SLC22A16: variants seen among roughly 807,000 people sequenced by gnomAD.
The protein encoded by SLC22A16 is WUGSC:RG331P03.1.
Under a neutral mutation model 52.9 loss-of-function variants are expected in SLC22A16, and 53 were observed. The ratio of observed to expected loss-of-function variants is 1.00; its 90% CI spans 0.80 to 1.26. The LOEUF is 1.26. Ranked by LOEUF, SLC22A16 falls within the 50% of genes most tolerant of loss-of-function variation. The probability of loss-of-function intolerance (pLI) is 0.00; values close to 1 mark genes in which losing one functional copy is unlikely to be tolerated. For missense variants in SLC22A16, 726 were observed against 704.0 expected (o/e 1.03, Z -0.35); for synonymous variants, 291 against 268.8 (o/e 1.08, Z -0.81).
At chr6:110,431,331 C>G in intron 6 of SLC22A16, 61 bp from the exon 7 acceptor site, 2 of 1,387,430 alleles carry the variant, frequency 1.4e-6, no homozygotes, top group Non-Finnish European at 2.0e-6. Context: ...GATTGAGGGA[C>G]CTGCTTCCTG....
intron 3 of SLC22A16, among the ~76,000 whole-genome samples, chr6:110,443,970 A>G (rs952153852): frequency 1.1e-4 from 16 of 152,306 alleles, no homozygotes; most frequent in South Asian, 4.1e-4. Flanking sequence ...GGAGACAGGG[A>G]ACAGAGAGTT....
chr6:110,473,813 C>A (rs1562305089), intron 1 of SLC22A16, among the ~76,000 whole-genome samples: 1 of 151,866 alleles, frequency 6.6e-6, no homozygotes, highest in Non-Finnish European at 1.5e-5. Flanking sequence ...GCATGAACCA[C>A]CGCACCTGGC....
At chr6:110,427,206 C>T (rs1774291991) in intron 7 of SLC22A16, among the ~76,000 whole-genome samples, 1 of 145,726 alleles carries the variant, frequency 6.9e-6, no homozygotes, top group South Asian at 2.1e-4. Context: ...CAAGATTGCA[C>T]CACTGCACTC....
In SLC22A16 at chr6:110,470,721, C is replaced by G. The variant is rs111680212; in HGVS notation, c.53+5801G>C. ...ACACATACACCAACACAGCACCCAC[C>G]CTGGCAGGCCTCTGAAGCTAGGATT... On this transcript the variant is annotated intron_variant, in intron 1 of 7. Coordinates refer to ENST00000368919, the MANE Select transcript of SLC22A16 (RefSeq NM_033125.4). 6.5e-3 allele frequency among the ~76,000 whole-genome samples: 988 copies of G among 152,170 alleles called. 14 individuals are homozygous for G. Among genetic ancestry groups the G allele is most frequent in the African/African-American group, 0.023 (955 of 41,502 alleles).
Position 110,424,809 on chromosome 6 carries a change from T to G in SLC22A16, c.*64A>C, listed in dbSNP as rs1412206900. The stretch of plus-strand genomic sequence containing the variant: ...AACATATGGGAGATGAGAATAAGAT[T>G]CCTCTAATACAAAGGCATTAGGGTA... On this transcript the variant is annotated 3_prime_UTR_variant, in exon 8 of 8. Coordinates refer to ENST00000368919, the MANE Select transcript of SLC22A16 (RefSeq NM_033125.4). 1.3e-6 allele frequency: 2 copies of G among 1,569,562 alleles called. No homozygotes were observed. Among genetic ancestry groups the G allele is most frequent in the African/African-American group, 2.7e-5 (2 of 73,500 alleles).
At chr6:110,454,624 ATATATT>A (rs1221206963) in intron 2 of SLC22A16, among the ~76,000 whole-genome samples, 2 of 51,594 alleles carry the variant, frequency 3.9e-5, no homozygotes, top group African/African-American at 2.0e-4. Flanking sequence ...TATATATAAT[ATATATT>A]TATATATATT....
At chr6:110,446,598 A>G (rs1423703128) in intron 3 of SLC22A16, among the ~76,000 whole-genome samples, 2 of 152,190 alleles carry the variant, frequency 1.3e-5, no homozygotes, top group African/African-American at 2.4e-5. Context: ...ATGATTACTC[A>G]GAAAGAAAAT....
intron 4 of SLC22A16, among the ~76,000 whole-genome samples, chr6:110,441,434 G>A (rs950617714): frequency 3.9e-5 from 6 of 152,150 alleles, no homozygotes; most frequent in Non-Finnish European, 8.8e-5. Context: ...GATGAAACAC[G>A]GTTTTACGAG....
intron 1 of SLC22A16, among the ~76,000 whole-genome samples, chr6:110,462,121 A>C (rs944193048): frequency 6.6e-6 from 1 of 152,216 alleles, no homozygotes. Context: ...TACTGTCACA[A>C]GAACAGCACG....
At chr6:110,451,910 G>C (rs552471982) in intron 2 of SLC22A16, among the ~76,000 whole-genome samples, 2 of 152,180 alleles carry the variant, frequency 1.3e-5, no homozygotes, top group East Asian at 3.9e-4. Context: ...ACATATGCAC[G>C]TTTAGTCCTT....
chr6:110,473,691 A>AT (rs1268519316), intron 1 of SLC22A16, among the ~76,000 whole-genome samples: 2 of 138,038 alleles, frequency 1.4e-5, no homozygotes, highest in South Asian at 2.3e-4. Context: ...TGCCAGGCTC[A>AT]TTTTTTTGTA....
chr6:110,454,659 A>T (rs1270410283), intron 2 of SLC22A16, among the ~76,000 whole-genome samples: 202 of 44,610 alleles, frequency 4.5e-3, no homozygotes, highest in African/African-American at 0.031. Flanking sequence ...TATATATATT[A>T]TATATATTTA....
chr6:110,435,809 T>A, intron 6 of SLC22A16, 43 bp downstream of exon 6: 1 of 1,408,540 alleles, frequency 7.1e-7, no homozygotes, highest in Non-Finnish European at 9.8e-7. Context: ...GACACACAAG[T>A]GAAAGATAAT....
chr6:110,453,044 G>C (rs1169250874), intron 2 of SLC22A16, among the ~76,000 whole-genome samples: 2 of 152,142 alleles, frequency 1.3e-5, no homozygotes, highest in East Asian at 3.9e-4. Context: ...TGAATTTTTT[G>C]TAGCTGTGTG....
chr6:110,432,478 T>C (rs1435782163), intron 6 of SLC22A16, among the ~76,000 whole-genome samples: 4 of 152,234 alleles, frequency 2.6e-5, no homozygotes, highest in Non-Finnish European at 4.4e-5. Flanking sequence ...AAGAGTCTAA[T>C]ATGTGCCAGG....
At chr6:110,463,791 C>A (rs1476705273) in intron 1 of SLC22A16, among the ~76,000 whole-genome samples, 5 of 151,774 alleles carry the variant, frequency 3.3e-5, no homozygotes, top group African/African-American at 1.2e-4. Flanking sequence ...ACCAAATGGA[C>A]TAAGAGACAC....
intron 1 of SLC22A16, among the ~76,000 whole-genome samples, chr6:110,464,249 C>T (rs1775989053): frequency 6.6e-6 from 1 of 151,820 alleles, no homozygotes; most frequent in African/African-American, 2.4e-5. Context: ...AAATCAAGAA[C>T]AAACCAAACA....
rs771281095 is a variant in SLC22A16 at position 110,456,563 on chromosome 6, C to T, written c.508G>A (p.Val170Met). The change falls in exon 2 of 8, where the codon GTG becomes ATG. Residue 170 changes from valine (V) to methionine (M), a missense_variant. Coordinates refer to ENST00000368919, the MANE Select transcript of SLC22A16 (RefSeq NM_033125.4). ...CTGTCAGAAAAGTAGCCAAAAGTCACCGATCCCAGTAGGACTCCAAACATA... is the reference window on the plus strand; with the variant it reads ...CTGTCAGAAAAGTAGCCAAAAGTCATCGATCCCAGTAGGACTCCAAACATA... ...LFMFGVLLGS[V>M]TFGYFSDRLG... is the part of the protein sequence containing the mutation. The T allele has an allele frequency of 5.0e-6, 8 of 1,614,020 alleles. No individual in the cohort carries two copies. The Admixed American group carries it at 1.3e-4, about 27-fold the overall frequency.
At chr6:110,439,256 T>C (rs930098457) in intron 4 of SLC22A16, among the ~76,000 whole-genome samples, 1 of 152,230 alleles carries the variant, frequency 6.6e-6, no homozygotes. Flanking sequence ...TGTTTGTCTT[T>C]GGAAACATTT....
Sources: gnomAD v4.1 joint callset for allele counts (sites outside exome capture counted in the v4.1 genomes callset) on GRCh38, gnomAD v4.1.1 for gene constraint, MANE v1.5 for transcripts, NCBI Gene and HGNC (gene_info 2026-07-23, HGNC 2026-07-21) for gene names.